Variants in ANGPT1 observed in about 807,000 individuals in gnomAD.
The protein encoded by ANGPT1 is angiopoietin-1.
A neutral mutation model predicts 62.2 loss-of-function variants in ANGPT1; 17 were observed. The observed-to-expected ratio is 0.27, with a 90% CI of 0.19 to 0.41. The LOEUF (loss-of-function observed/expected upper bound fraction) is 0.41. ANGPT1 is among the 10% of genes least tolerant of loss of function. The pLI, the probability that ANGPT1 is intolerant of heterozygous loss-of-function variation, is 1.00. For missense variants in ANGPT1, 478 were observed against 594.9 expected, an observed-to-expected ratio of 0.80 and a Z score of 2.04; for synonymous variants, 199 against 198.9, an observed-to-expected ratio of 1.00 and a Z score of 0.00.
intron 7 of ANGPT1, among the ~76,000 whole-genome samples, chr8:107,277,974 T>G (rs1244849987): frequency 1.3e-5 from 2 of 152,154 alleles, no homozygotes; most frequent in African/African-American, 4.8e-5. Context: ...ATAGTGGTGA[T>G]TTCGATATAG....
At chr8:107,295,638 G>C (rs1013422902) in intron 5 of ANGPT1, 19 of 151,996 alleles carry the variant, frequency 1.3e-4, no homozygotes, top group African/African-American at 4.6e-4. Flanking sequence ...ATTTAAGAAA[G>C]AAAACACGAG....
chr8:107,397,441 TTG>T lies in ANGPT1; in HGVS notation c.298-50346_298-50345del, dbSNP rs3036540. ...GATTTTTTCCCCTCAAAAATGTTGCTTGTGTGTGTGTGTGTGTGTGTTTAATT... is the reference window on the plus strand; with the variant it reads ...GATTTTTTCCCCTCAAAAATGTTGCTTGTGTGTGTGTGTGTGTGTTTAATT... On this transcript the variant is annotated intron_variant, in intron 1 of 8. Transcript: ENST00000517746. Among the ~76,000 whole-genome samples, 19 of 150,408 alleles carry T rather than the reference TTG, an allele frequency of 1.3e-4. 1 individual carries two copies. Among genetic ancestry groups the T allele is most frequent in the South Asian group, 4.2e-4 (2 of 4,750 alleles).
chr8:107,340,693 C>A (rs1042071825), intron 2 of ANGPT1, among the ~76,000 whole-genome samples: 1 of 151,168 alleles, frequency 6.6e-6, no homozygotes, highest in African/African-American at 2.4e-5. Flanking sequence ...AGGGCTCTGC[C>A]ATGTTGCCCA....
chr8:107,377,637 C>G (rs1816555176), intron 1 of ANGPT1, among the ~76,000 whole-genome samples: 1 of 152,180 alleles, frequency 6.6e-6, no homozygotes, highest in Non-Finnish European at 1.5e-5. Context: ...AGAGTTAATC[C>G]ATTTAAGCTT....
intron 1 of ANGPT1, among the ~76,000 whole-genome samples, chr8:107,408,972 C>A (rs1411323874): frequency 1.3e-5 from 2 of 152,200 alleles, no homozygotes; most frequent in Non-Finnish European, 2.9e-5. Context: ...TTTATGCCTT[C>A]ATTTGCTCAT....
At chr8:107,335,955 C>T (rs1420830282) in intron 3 of ANGPT1, among the ~76,000 whole-genome samples, 195 bp downstream of exon 3, 2 of 152,120 alleles carry the variant, frequency 1.3e-5, no homozygotes, top group Admixed American at 1.3e-4. Flanking sequence ...AGAGTATCAG[C>T]AACAATATTA....
intron 4 of ANGPT1, among the ~76,000 whole-genome samples, chr8:107,313,585 G>A (rs1242907277): frequency 3.3e-5 from 5 of 150,892 alleles, no homozygotes; most frequent in Admixed American, 6.6e-5. Flanking sequence ...GACTACAGGC[G>A]CCCACCACCA....
chr8:107,445,034 C>T (rs1811579522), intron 1 of ANGPT1, among the ~76,000 whole-genome samples: 1 of 152,188 alleles, frequency 6.6e-6, no homozygotes, highest in African/African-American at 2.4e-5. Flanking sequence ...CCGCACTTCA[C>T]CCTGAAGGGG....
intron 1 of ANGPT1, among the ~76,000 whole-genome samples, chr8:107,402,351 C>T (rs183280436): frequency 3.0e-4 from 46 of 152,226 alleles, no homozygotes; most frequent in Admixed American, 8.5e-4. Flanking sequence ...AAAGGCAAAC[C>T]GAGTGGATCC....
intron 4 of ANGPT1, among the ~76,000 whole-genome samples, chr8:107,316,772 T>C (rs977404791): frequency 6.6e-6 from 1 of 152,188 alleles, no homozygotes; most frequent in African/African-American, 2.4e-5. Context: ...TTCTGGAAAA[T>C]AAACATGCCG....
At chr8:107,471,250 A>G (rs1375722394) in intron 1 of ANGPT1, among the ~76,000 whole-genome samples, 1 of 152,180 alleles carries the variant, frequency 6.6e-6, no homozygotes, top group Non-Finnish European at 1.5e-5. Context: ...TTGCAGGGAC[A>G]TGGATGAAGC....
chr8:107,278,948 A>C (rs1268864282), intron 7 of ANGPT1, among the ~76,000 whole-genome samples: 1 of 152,198 alleles, frequency 6.6e-6, no homozygotes, highest in African/African-American at 2.4e-5. Context: ...CGTAAGACTC[A>C]TCATGGCTCT....
intron 3 of ANGPT1, among the ~76,000 whole-genome samples, chr8:107,332,032 T>C (rs1465085488): frequency 6.6e-6 from 1 of 152,168 alleles, no homozygotes; most frequent in Non-Finnish European, 1.5e-5. Flanking sequence ...ACTGGCCAGT[T>C]GACCAAACCT....
chr8:107,438,002 T>C (rs540015357), intron 1 of ANGPT1, among the ~76,000 whole-genome samples: 1 of 152,266 alleles, frequency 6.6e-6, no homozygotes, highest in African/African-American at 2.4e-5. Context: ...ACTAGCACAC[T>C]CTGGCGTGGA....
At chr8:107,451,374 A>G (rs1258586162) in intron 1 of ANGPT1, among the ~76,000 whole-genome samples, 1 of 151,580 alleles carries the variant, frequency 6.6e-6, no homozygotes, top group Non-Finnish European at 1.5e-5. Flanking sequence ...ACCTTATGAT[A>G]CTAGGTTCAA....
In ANGPT1 at chr8:107,293,833, A is replaced by C. The variant is rs1017625690; in HGVS notation, c.1038+103T>G. 14 of 836,038 alleles carry C rather than the reference A, an allele frequency of 1.7e-5. No individual in the cohort carries two copies. The African/African-American group carries it at 2.5e-4, about 15-fold the overall frequency. 51.8% of individuals were successfully genotyped at this position (836,038 alleles called of 1,614,324 possible). A position where few individuals can be genotyped will look rare whatever the true frequency, so the allele number is the denominator to read the frequency against. On this transcript the variant is annotated intron_variant, in intron 6 of 8. Coordinates refer to ENST00000517746, the MANE Select transcript of ANGPT1 (RefSeq NM_001146.5). The stretch of plus-strand genomic sequence containing the variant: ...TACTAATGTATCATTTTATGTCAAA[A>C]ATAACTCAAAACCACCTAAAAATAC...
At chr8:107,313,448 T>TTG (rs1814931085) in intron 4 of ANGPT1, among the ~76,000 whole-genome samples, 2 of 132,602 alleles carry the variant, frequency 1.5e-5, no homozygotes, top group East Asian at 2.2e-4. Flanking sequence ...TTTTTTTTTT[T>TTG]TTTTTTTTTG....
chr8:107,428,112 T>TA (rs1265160533), intron 1 of ANGPT1, among the ~76,000 whole-genome samples: 5 of 152,226 alleles, frequency 3.3e-5, no homozygotes, highest in Non-Finnish European at 7.3e-5. Flanking sequence ...TTTCTCCACT[T>TA]ATTACCAACC....
intron 1 of ANGPT1, among the ~76,000 whole-genome samples, chr8:107,480,773 T>C (rs1812655013): frequency 6.6e-6 from 1 of 152,200 alleles, no homozygotes; most frequent in South Asian, 2.1e-4. Context: ...ATGGAAATTT[T>C]AATTTAAACA....
Sources: allele counts gnomAD v4.1 joint callset (sites outside exome capture counted in the v4.1 genomes callset), GRCh38; gene constraint gnomAD v4.1.1; transcripts MANE v1.5; gene names NCBI Gene and HGNC (gene_info 2026-07-23, HGNC 2026-07-21).